The following XKR4 variants were observed in gnomAD, a reference collection of about 807,000 sequenced individuals.
The protein encoded by XKR4 is XK-related protein 4.
Under a neutral mutation model 53.9 loss-of-function variants are expected in XKR4, and 12 were observed. The ratio of observed to expected loss-of-function variants is 0.22; its 90% CI spans 0.14 to 0.36. XKR4 has a LOEUF of 0.36. Among genes scored for constraint, XKR4 ranks in the 10% least tolerant of loss-of-function variants. XKR4 has a pLI of 1.00. For missense variants in XKR4, 799 were observed against 859.5 expected, an observed-to-expected ratio of 0.93 and a Z score of 0.88; for synonymous variants, 354 against 362.4, an observed-to-expected ratio of 0.98 and a Z score of 0.26.
At chr8:55,397,393 A>G (rs1483833499) in intron 2 of XKR4, among the ~76,000 whole-genome samples, 2 of 152,320 alleles carry the variant, frequency 1.3e-5, no homozygotes, top group East Asian at 3.9e-4. Context: ...AAAGATTGCC[A>G]GCTCCTACCT....
chr8:55,470,258 G>T (rs116106520), intron 2 of XKR4, among the ~76,000 whole-genome samples: 1 of 152,090 alleles, frequency 6.6e-6, no homozygotes, highest in Non-Finnish European at 1.5e-5. Context: ...GGTACAAGAC[G>T]AGGTGATATG....
chr8:55,400,990 C>G lies in XKR4; in HGVS notation c.1006+43113C>G, dbSNP rs7820036. ...TGATGTATTAACTCAGACATACACACCTAGCACTTGACTCATAGGTACATG... is the reference window on the plus strand; with the variant it reads ...TGATGTATTAACTCAGACATACACAGCTAGCACTTGACTCATAGGTACATG... On this transcript the variant is annotated intron_variant, in intron 2 of 2. Coordinates refer to ENST00000327381, the MANE Select transcript of XKR4 (RefSeq NM_052898.2). Among the ~76,000 whole-genome samples the G allele has an allele frequency of 9.6e-3, 1,469 of 152,316 alleles. 25 individuals carry two copies. Among genetic ancestry groups the G allele is most frequent in the African/African-American group, 0.033 (1,361 of 41,572 alleles).
chr8:55,172,108 C>T (rs1817167759), intron 1 of XKR4, among the ~76,000 whole-genome samples: 1 of 151,692 alleles, frequency 6.6e-6, no homozygotes, highest in Non-Finnish European at 1.5e-5. Context: ...TAGCTACTCA[C>T]AAGGCTGAGG....
intron 2 of XKR4, among the ~76,000 whole-genome samples, chr8:55,381,492 T>C (rs1356836974): frequency 6.6e-6 from 1 of 152,202 alleles, no homozygotes; most frequent in Non-Finnish European, 1.5e-5. Flanking sequence ...TGAGGGACCA[T>C]TGGTGCAAGT....
At chr8:55,216,715 G>A (rs1467390756) in intron 1 of XKR4, among the ~76,000 whole-genome samples, 284 of 118,260 alleles carry the variant, frequency 2.4e-3, no homozygotes, top group African/African-American at 7.4e-3. Flanking sequence ...TGATAAGAGC[G>A]AAATTGCATC....
In XKR4 at chr8:55,524,860, G is replaced by A. The variant is rs1377180975; in HGVS notation, c.*633G>A. The A allele has an allele frequency of 6.5e-6, 1 of 152,674 alleles. No homozygotes were observed. Among genetic ancestry groups the A allele is most frequent in the Non-Finnish European group, 1.5e-5 (1 of 68,060 alleles). 9.5% of individuals were successfully genotyped at this position (152,674 alleles called of 1,614,324 possible). ...CTACACATGTGTTAGCATTGATGGA[G>A]TGGTTCATTTTCTACACATTTCAGG... On this transcript the variant is annotated 3_prime_UTR_variant, in exon 3 of 3. Coordinates refer to ENST00000327381, the MANE Select transcript of XKR4 (RefSeq NM_052898.2).
intron 1 of XKR4, among the ~76,000 whole-genome samples, chr8:55,309,833 A>C (rs1462484709): frequency 6.6e-6 from 1 of 152,218 alleles, no homozygotes; most frequent in African/African-American, 2.4e-5. Context: ...CCTTAGTTAA[A>C]ACCTAGAATG....
chr8:55,254,810 C>T (rs1214614541), intron 1 of XKR4, among the ~76,000 whole-genome samples: 3 of 152,192 alleles, frequency 2.0e-5, no homozygotes, highest in African/African-American at 7.2e-5. Flanking sequence ...TTCGAACTGA[C>T]TTATTTGTGG....
At chr8:55,317,365 T>C (rs1697310363) in intron 1 of XKR4, among the ~76,000 whole-genome samples, 1 of 152,206 alleles carries the variant, frequency 6.6e-6, no homozygotes, top group Non-Finnish European at 1.5e-5. Flanking sequence ...TTGGTTGTTA[T>C]TTTTCTAACT....
intron 1 of XKR4, among the ~76,000 whole-genome samples, chr8:55,257,794 G>A (rs1285801827): frequency 6.6e-6 from 1 of 152,144 alleles, no homozygotes; most frequent in African/African-American, 2.4e-5. Flanking sequence ...AGAGGAAAAC[G>A]ATTGATTTTT....
chr8:55,346,683 T>TTGTGTGTGTGTGTGTG (rs1438938737), intron 1 of XKR4, among the ~76,000 whole-genome samples: 1 of 55,522 alleles, frequency 1.8e-5, no homozygotes, highest in African/African-American at 1.1e-4. Flanking sequence ...CCTGTTGAGG[T>TTGTGTGTGTGTGTGTG]TATGTGTGTG....
intron 2 of XKR4, among the ~76,000 whole-genome samples, chr8:55,412,761 C>T (rs528380670): frequency 7.9e-5 from 12 of 152,344 alleles, no homozygotes; most frequent in Non-Finnish European, 1.2e-4. Flanking sequence ...GCTGCTCTCA[C>T]GTTTCTGTTC....
At chr8:55,422,783 T>C (rs183109134) in intron 2 of XKR4, among the ~76,000 whole-genome samples, 1 of 152,192 alleles carries the variant, frequency 6.6e-6, no homozygotes, top group East Asian at 1.9e-4. Context: ...AAAATTGGAA[T>C]AGGAAAAAAA....
chr8:55,252,347 C>T (rs1236370363), intron 1 of XKR4, among the ~76,000 whole-genome samples: 2 of 152,174 alleles, frequency 1.3e-5, no homozygotes, highest in South Asian at 2.1e-4. Flanking sequence ...AAACCATTGC[C>T]TTTTATCTCC....
Position 55,289,634 on chromosome 8 carries a change from AAAGAAAGAAAGAAAGG to A in XKR4, c.807-68040_807-68025del, listed in dbSNP as rs1229866164. Among the ~76,000 whole-genome samples, 429 of 130,798 alleles carry A rather than the reference AAAGAAAGAAAGAAAGG, an allele frequency of 3.3e-3. 5 individuals are homozygous for A. Among genetic ancestry groups the A allele is most frequent in the African/African-American group, 5.4e-3 (182 of 33,996 alleles). 85.8% of individuals were successfully genotyped at this position (130,798 alleles called of 152,430 possible). On this transcript the variant is annotated intron_variant, in intron 1 of 2. Coordinates refer to ENST00000327381, the MANE Select transcript of XKR4 (RefSeq NM_052898.2). ...GAAAGAAAGAAAGAAAGAAAGAAAGAAAGAAAGAAAGAAAGGAAGGAAGGAAAAGAAAAGAAAAGAA... is the reference window on the plus strand; with the variant it reads ...GAAAGAAAGAAAGAAAGAAAGAAAGAAAGGAAGGAAAAGAAAAGAAAAGAA...
intron 1 of XKR4, among the ~76,000 whole-genome samples, chr8:55,134,983 A>G (rs957453692): frequency 6.6e-6 from 1 of 152,038 alleles, no homozygotes; most frequent in Non-Finnish European, 1.5e-5. Context: ...GACAACATGC[A>G]TAGTAGGAAA....
chr8:55,416,637 G>A (rs1204721126), intron 2 of XKR4, among the ~76,000 whole-genome samples: 1 of 152,156 alleles, frequency 6.6e-6, no homozygotes, highest in Non-Finnish European at 1.5e-5. Flanking sequence ...AGGATCACAA[G>A]CAGGGGGGTG....
Position 55,539,978 on chromosome 8 carries a change from T to G in XKR4, c.*15751T>G, listed in dbSNP as rs1412965495. ...TGGACAACCCTTTGAAATGACAGAGTCTAGATTCTTCACCAAACAGATGAA... is the reference window on the plus strand; with the variant it reads ...TGGACAACCCTTTGAAATGACAGAGGCTAGATTCTTCACCAAACAGATGAA... On this transcript the variant is annotated 3_prime_UTR_variant, in exon 3 of 3. Coordinates refer to ENST00000327381, the MANE Select transcript of XKR4 (RefSeq NM_052898.2). 1.3e-5 allele frequency: 2 copies of G among 151,938 alleles called. No individual in the cohort carries two copies. Among genetic ancestry groups the G allele is most frequent in the African/African-American group, 4.8e-5 (2 of 41,354 alleles). 9.4% of individuals were successfully genotyped at this position (151,938 alleles called of 1,614,324 possible).
At position 55,368,034 on chromosome 8, in the gene XKR4, C is replaced by A. The variant is rs181202515; in HGVS notation, c.1006+10157C>A. On this transcript the variant is annotated intron_variant, in intron 2 of 2. Transcript: ENST00000327381. ...GGAGTGCAGTGGCACAATCTCGGCTCACTGCAACCTCTGCCTCCCAGGTTC... is the reference window on the plus strand; with the variant it reads ...GGAGTGCAGTGGCACAATCTCGGCTAACTGCAACCTCTGCCTCCCAGGTTC... Among the ~76,000 whole-genome samples, 422 of 152,276 alleles carry A rather than the reference C, an allele frequency of 2.8e-3. 2 individuals are homozygous for A. Among genetic ancestry groups the A allele is most frequent in the African/African-American group, 9.6e-3 (397 of 41,538 alleles).
Sources: allele counts gnomAD v4.1 joint callset (sites outside exome capture counted in the v4.1 genomes callset), GRCh38; gene constraint gnomAD v4.1.1; transcripts MANE v1.5; gene names NCBI Gene and HGNC (gene_info 2026-07-23, HGNC 2026-07-21).